FUT8: variants seen among roughly 807,000 people sequenced by gnomAD.
The protein encoded by FUT8 is alpha-(1,6)-fucosyltransferase.
A neutral mutation model predicts 71.3 loss-of-function variants in FUT8; 29 were observed. That is an observed-to-expected ratio of 0.41 (90% CI 0.30 to 0.55). The LOEUF (loss-of-function observed/expected upper bound fraction) is 0.55, where lower values mean the gene tolerates loss of function less well. FUT8 is among the 20% of genes least tolerant of loss of function. The pLI, the probability that FUT8 is intolerant of heterozygous loss-of-function variation, is 0.34. For synonymous variants in FUT8, 254 were observed against 239.3 expected, an observed-to-expected ratio of 1.06 and a Z score of -0.57; for missense variants, 544 against 702.1, an observed-to-expected ratio of 0.77 and a Z score of 2.55.
chr14:65,635,807 A>G (rs947924387), intron 6 of FUT8, among the ~76,000 whole-genome samples: 5 of 152,028 alleles, frequency 3.3e-5, no homozygotes, highest in Non-Finnish European at 5.9e-5. Flanking sequence ...TTTTCAGTTA[A>G]TGTCCTTTCC....
At chr14:65,740,381 C>G (rs1896437695) in intron 10 of FUT8, among the ~76,000 whole-genome samples, 1 of 151,936 alleles carries the variant, frequency 6.6e-6, no homozygotes, top group Non-Finnish European at 1.5e-5. Flanking sequence ...AGAATTGCCC[C>G]TCAAGTTTTC....
intron 7 of FUT8, among the ~76,000 whole-genome samples, chr14:65,701,691 C>T (rs1282003610): frequency 1.3e-5 from 2 of 152,178 alleles, no homozygotes; most frequent in Non-Finnish European, 2.9e-5. Flanking sequence ...TGTTAAGCCA[C>T]AATTCACATC....
chr14:65,597,323 T>C (rs1419810493), intron 3 of FUT8, among the ~76,000 whole-genome samples: 1 of 152,198 alleles, frequency 6.6e-6, no homozygotes, highest in Admixed American at 6.5e-5. Context: ...GGTGGTGGAT[T>C]AATCTGATTT....
At chr14:65,586,541 T>C (rs912751671) in intron 3 of FUT8, among the ~76,000 whole-genome samples, 9 of 152,238 alleles carry the variant, frequency 5.9e-5, no homozygotes, top group Non-Finnish European at 1.3e-4. Context: ...TGGAATCTAA[T>C]GTATTTGATA....
intron 6 of FUT8, among the ~76,000 whole-genome samples, chr14:65,657,649 G>T (rs1398837582): frequency 6.6e-6 from 1 of 152,122 alleles, no homozygotes; most frequent in East Asian, 1.9e-4. Flanking sequence ...TGGAGATAGA[G>T]ACTAGAATGA....
the FUT8 span, among the ~76,000 whole-genome samples, chr14:65,397,755 T>G: frequency 6.6e-6 from 1 of 152,252 alleles, no homozygotes; most frequent in Non-Finnish European, 1.5e-5. The surrounding 1 kb of genome is among the most constrained non-coding windows in gnomAD (Gnocchi z 4.2). Context: ...ATTATCTTCC[T>G]TGTTTTTATT....
chr14:65,484,294 A>G (rs2066376222), intron 2 of FUT8, among the ~76,000 whole-genome samples: 1 of 152,238 alleles, frequency 6.6e-6, no homozygotes, highest in Admixed American at 6.5e-5. Context: ...GAATAGAAAA[A>G]GAGCAGACAT....
At chr14:65,548,226 T>C (rs955428958) in intron 2 of FUT8, among the ~76,000 whole-genome samples, 2 of 152,104 alleles carry the variant, frequency 1.3e-5, no homozygotes, top group Admixed American at 6.5e-5. Flanking sequence ...GAAGGGACTT[T>C]ATAATCATCC....
intron 10 of FUT8, among the ~76,000 whole-genome samples, chr14:65,741,601 A>T (rs1199464418): frequency 6.6e-6 from 1 of 152,026 alleles, no homozygotes; most frequent in African/African-American, 2.4e-5. Context: ...ACACCAAGTT[A>T]TAAATTAGCA....
At chr14:65,435,245 G>T (rs2065537099) in intron 1 of FUT8, among the ~76,000 whole-genome samples, 1 of 151,814 alleles carries the variant, frequency 6.6e-6, no homozygotes, top group Non-Finnish European at 1.5e-5. Flanking sequence ...TTGTTATGTT[G>T]TTTATATGTA....
At chr14:65,658,166 C>T (rs1891780416) in intron 6 of FUT8, among the ~76,000 whole-genome samples, 1 of 151,888 alleles carries the variant, frequency 6.6e-6, no homozygotes, top group Non-Finnish European at 1.5e-5. Context: ...GTACAGACGG[C>T]TATGCAAAAG....
At chr14:65,556,373 A>G (rs544658136) in intron 2 of FUT8, among the ~76,000 whole-genome samples, 2 of 152,050 alleles carry the variant, frequency 1.3e-5, no homozygotes, top group Non-Finnish European at 2.9e-5. Flanking sequence ...GGATTCAACA[A>G]CCTTGTGAGG....
intron 1 of FUT8, among the ~76,000 whole-genome samples, chr14:65,437,278 AT>A (rs1003560137): frequency 6.6e-6 from 1 of 152,242 alleles, no homozygotes; most frequent in Non-Finnish European, 1.5e-5. Context: ...AAAGAAAAGA[AT>A]TTGAAAAACA....
chr14:65,385,252 C>T, the FUT8 span, among the ~76,000 whole-genome samples: 1 of 152,126 alleles, frequency 6.6e-6, no homozygotes, highest in Non-Finnish European at 1.5e-5. Context: ...AATAAGCCCT[C>T]ACTGATCCTG....
chr14:65,396,205 G>T, the FUT8 span, among the ~76,000 whole-genome samples: 1 of 152,168 alleles, frequency 6.6e-6, no homozygotes, highest in African/African-American at 2.4e-5. This position sits in a 1 kb window ranked among gnomAD's most constrained non-coding sequence, Gnocchi z 5.5. Flanking sequence ...CCTCCAAACT[G>T]TTCCAACCTC....
chr14:65,402,038 G>A, the FUT8 span, among the ~76,000 whole-genome samples: 25 of 152,038 alleles, frequency 1.6e-4, no homozygotes, highest in African/African-American at 5.5e-4. Flanking sequence ...TTTCAGCTCT[G>A]GGGTAAGTCT....
the FUT8 span, among the ~76,000 whole-genome samples, chr14:65,365,328 CCTCTCTCTCTCT>C: frequency 1.6e-4 from 22 of 139,038 alleles, no homozygotes; most frequent in East Asian, 1.3e-3. Flanking sequence ...ATAAATTCTT[CCTCTCTCTCTCT>C]CTCTCTCTCT....
At chr14:65,575,956 A>G (rs919553443) in intron 3 of FUT8, among the ~76,000 whole-genome samples, 1 of 152,230 alleles carries the variant, frequency 6.6e-6, no homozygotes, top group Admixed American at 6.5e-5. Flanking sequence ...TTCAAAATAT[A>G]GATAAAAATA....
At chr14:65,468,179 A>G (rs2066075261) in intron 2 of FUT8, 1 of 634,976 alleles carries the variant, frequency 1.6e-6, no homozygotes, top group Non-Finnish European at 2.9e-6. Context: ...CCATGATAAC[A>G]CTCGCGGAGC....
Sources: gnomAD v4.1 joint callset for allele counts (sites outside exome capture counted in the v4.1 genomes callset) on GRCh38, gnomAD v4.1.1 for gene constraint, Gnocchi (gnomAD v3.1) non-coding constraint, MANE v1.5 for transcripts, NCBI Gene and HGNC (gene_info 2026-07-23, HGNC 2026-07-21) for gene names.